The following MGAT4C variants were observed in gnomAD, a reference collection of about 807,000 sequenced individuals.
MGAT4C encodes the protein MGAT4 family member C, also known as alpha-1,3-mannosyl-glycoprotein 4-beta-N-acetylglucosaminyltransferase C.
Under a neutral mutation model 40.1 loss-of-function variants are expected in MGAT4C, and 19 were observed. The ratio of observed to expected loss-of-function variants is 0.47; its 90% CI spans 0.33 to 0.70. The LOEUF (loss-of-function observed/expected upper bound fraction) is 0.70. Among genes scored for constraint, MGAT4C ranks in the 30% least tolerant of loss-of-function variants. The pLI is 0.02. For synonymous variants in MGAT4C, 181 were observed against 187.1 expected, an observed-to-expected ratio of 0.97 and a Z score of 0.27; for missense variants, 491 against 563.2, an observed-to-expected ratio of 0.87 and a Z score of 1.30.
At chr12:86,370,008 G>T (rs1286919941) in intron 3 of MGAT4C, among the ~76,000 whole-genome samples, 5 of 151,176 alleles carry the variant, frequency 3.3e-5, no homozygotes, top group Non-Finnish European at 5.9e-5. Context: ...TTATTATTTT[G>T]TTTTCCCTAT....
intron 1 of MGAT4C, among the ~76,000 whole-genome samples, chr12:86,166,669 A>G (rs1886230296): frequency 6.6e-6 from 1 of 151,966 alleles, no homozygotes; most frequent in Non-Finnish European, 1.5e-5. Flanking sequence ...GAAGGTCTCA[A>G]AAAAAAAGTC....
intron 2 of MGAT4C, among the ~76,000 whole-genome samples, chr12:86,010,108 CA>C (rs1319123929): frequency 1.3e-5 from 2 of 151,838 alleles, no homozygotes; most frequent in South Asian, 2.1e-4. Context: ...GTGATAATGT[CA>C]AAAAATACCC....
chr12:86,579,147 C>T (rs910429049), intron 2 of MGAT4C, among the ~76,000 whole-genome samples: 13 of 151,642 alleles, frequency 8.6e-5, no homozygotes, highest in Non-Finnish European at 1.6e-4. Flanking sequence ...AGTCTATTTA[C>T]ATTCAATGTT....
intron 1 of MGAT4C, among the ~76,000 whole-genome samples, chr12:86,053,188 T>G (rs551328782): frequency 1.6e-4 from 24 of 151,784 alleles, no homozygotes; most frequent in Admixed American, 1.3e-4. Flanking sequence ...TTAACATAAA[T>G]ATATACAAGA....
chr12:86,835,715 C>A (rs994835446), intron 1 of MGAT4C, among the ~76,000 whole-genome samples: 2 of 151,946 alleles, frequency 1.3e-5, no homozygotes, highest in African/African-American at 4.8e-5. Flanking sequence ...AAACTAGTCA[C>A]TTTTCAATTT....
At chr12:86,043,497 TC>T (rs1892078384) in intron 2 of MGAT4C, among the ~76,000 whole-genome samples, 1 of 152,146 alleles carries the variant, frequency 6.6e-6, no homozygotes, top group Non-Finnish European at 1.5e-5. Flanking sequence ...GTCTAGTCCT[TC>T]CACATTCTTC....
At chr12:86,688,344 CA>C (rs1593116662) in intron 2 of MGAT4C, among the ~76,000 whole-genome samples, 1 of 151,990 alleles carries the variant, frequency 6.6e-6, no homozygotes, top group African/African-American at 2.4e-5. Flanking sequence ...AGCTCATTTA[CA>C]TTTAAGGTCA....
At chr12:86,361,965 A>C (rs539219585) in intron 3 of MGAT4C, among the ~76,000 whole-genome samples, 75 of 152,338 alleles carry the variant, frequency 4.9e-4, no homozygotes, top group African/African-American at 1.5e-3. Flanking sequence ...ATACCATTTG[A>C]TCCAGCCATC....
chr12:86,294,686 A>G (rs772847996), intron 4 of MGAT4C, among the ~76,000 whole-genome samples: 5 of 150,332 alleles, frequency 3.3e-5, no homozygotes, highest in Non-Finnish European at 7.4e-5. Flanking sequence ...TTGGGGGGGA[A>G]AAAAGTTAAA....
At chr12:86,621,902 C>A (rs189187109) in intron 2 of MGAT4C, among the ~76,000 whole-genome samples, 25 of 152,228 alleles carry the variant, frequency 1.6e-4, no homozygotes, top group African/African-American at 5.3e-4. Flanking sequence ...CAGTATGATA[C>A]TTTCTTGCAA....
chr12:86,362,756 A>T (rs1955506684), intron 3 of MGAT4C, among the ~76,000 whole-genome samples: 1 of 150,988 alleles, frequency 6.6e-6, no homozygotes, highest in South Asian at 2.1e-4. Flanking sequence ...AGTCCCAGCT[A>T]CCTGGGAGGC....
At chr12:86,126,324 A>G (rs1880262942) in intron 1 of MGAT4C, among the ~76,000 whole-genome samples, 1 of 152,102 alleles carries the variant, frequency 6.6e-6, no homozygotes, top group Non-Finnish European at 1.5e-5. Context: ...TTAAAAATAA[A>G]AAGAGAATTT....
At chr12:86,800,754 T>C (rs898024060) in intron 1 of MGAT4C, among the ~76,000 whole-genome samples, 2 of 151,892 alleles carry the variant, frequency 1.3e-5, no homozygotes, top group Non-Finnish European at 2.9e-5. Flanking sequence ...GTCAGAGTAT[T>C]GAAAAGAGCC....
intron 3 of MGAT4C, among the ~76,000 whole-genome samples, chr12:85,987,373 G>A (rs1376606111): frequency 1.3e-5 from 2 of 151,756 alleles, no homozygotes; most frequent in African/African-American, 4.8e-5. Context: ...TCCTGACCTC[G>A]TGATCCGCCC....
At chr12:86,736,448 C>T (rs1396949015) in intron 1 of MGAT4C, among the ~76,000 whole-genome samples, 2 of 151,686 alleles carry the variant, frequency 1.3e-5, no homozygotes, top group Non-Finnish European at 1.5e-5. Flanking sequence ...ACTATAAAAT[C>T]ACTTCCTTAA....
intron 2 of MGAT4C, among the ~76,000 whole-genome samples, chr12:86,446,571 A>G (rs996223331): frequency 1.1e-4 from 17 of 149,200 alleles, no homozygotes; most frequent in Non-Finnish European, 2.2e-4. Flanking sequence ...CTTTCTTAAT[A>G]TGAATACCAT....
Position 86,504,103 on chromosome 12 carries a change from G to A in MGAT4C, c.-228-68838C>T, listed in dbSNP as rs79786993. 8.9e-3 allele frequency among the ~76,000 whole-genome samples: 1,354 copies of A among 151,890 alleles called. 10 individuals carry two copies. The highest frequency in any genetic ancestry group is 0.012 in the Non-Finnish European group (806 of 67,932). Reference sequence around the variant, plus strand: ...AAATTCGATAGTCATCAAATTAATGGACACTACCTTCATGAAGAGATGCCA... The same window carrying A: ...AAATTCGATAGTCATCAAATTAATGAACACTACCTTCATGAAGAGATGCCA... On this transcript the variant is annotated intron_variant, in intron 2 of 7. Coordinates refer to the MGAT4C transcript ENST00000548651.
At chr12:86,236,495 T>C (rs1951552233) in intron 1 of MGAT4C, among the ~76,000 whole-genome samples, 3 of 152,024 alleles carry the variant, frequency 2.0e-5, no homozygotes, top group African/African-American at 2.4e-5. Context: ...CTTATAACTA[T>C]TGTCCTAAAT....
chr12:85,989,199 T>TA (rs1462706251), intron 3 of MGAT4C, among the ~76,000 whole-genome samples: 1 of 152,016 alleles, frequency 6.6e-6, no homozygotes, highest in African/African-American at 2.4e-5. Context: ...TATACACCAT[T>TA]AAAAATATTG....
Sources: allele counts gnomAD v4.1 joint callset (sites outside exome capture counted in the v4.1 genomes callset), GRCh38; gene constraint gnomAD v4.1.1; transcripts MANE v1.5; gene names NCBI Gene and HGNC (gene_info 2026-07-23, HGNC 2026-07-21).